PCDHGA7: variants seen among roughly 807,000 people sequenced by gnomAD.
PCDHGA7 encodes the protein protocadherin gamma-A7.
Under a neutral mutation model 58.3 loss-of-function variants are expected in PCDHGA7, and 44 were observed. That is an observed-to-expected ratio of 0.75 (90% confidence interval 0.59 to 0.97). PCDHGA7 has a LOEUF of 0.97. PCDHGA7 is among the 50% of genes least tolerant of loss of function. PCDHGA7 has a pLI of 0.00. For missense variants in PCDHGA7, 1,266 were observed against 1,188.7 expected, an observed-to-expected ratio of 1.06 and a Z score of -0.96; for synonymous variants, 516 against 504.2, an observed-to-expected ratio of 1.02 and a Z score of -0.31.
At chr5:141,497,807 T>G (rs2099779585) in intron 2 of PCDHGA7, among the ~76,000 whole-genome samples, 1 of 152,210 alleles carries the variant, frequency 6.6e-6, no homozygotes, top group African/African-American at 2.4e-5. Context: ...CCCAAAGTGC[T>G]AGAATTACAG....
intron 1 of PCDHGA7, among the ~76,000 whole-genome samples, chr5:141,449,549 A>G (rs1431239786): frequency 6.8e-6 from 1 of 147,830 alleles, no homozygotes; most frequent in East Asian, 2.0e-4. Context: ...AGATCGCACC[A>G]CTGCACTCCA....
intron 1 of PCDHGA7, chr5:141,396,121 G>T: frequency 6.6e-6 from 1 of 152,188 alleles, no homozygotes. Context: ...AATGTTTCAG[G>T]TACACAAGTT....
At chr5:141,390,249 C>A (rs749702926) in intron 1 of PCDHGA7, 1 of 1,614,046 alleles carries the variant, frequency 6.2e-7, no homozygotes, top group South Asian at 1.1e-5. Context: ...CTTATTTCCA[C>A]TTTGTAATTC....
chr5:141,458,549 T>A (rs2098948402), intron 1 of PCDHGA7, among the ~76,000 whole-genome samples: 1 of 148,072 alleles, frequency 6.8e-6, no homozygotes, highest in African/African-American at 2.6e-5. Flanking sequence ...ATTTTGTTTG[T>A]TTGTTTTGGT....
chr5:141,461,334 G>T (rs558562450), intron 1 of PCDHGA7, among the ~76,000 whole-genome samples: 75 of 152,166 alleles, frequency 4.9e-4, no homozygotes, highest in African/African-American at 1.7e-3. Flanking sequence ...GGCCATTCTT[G>T]CAGGACCAAG....
rs902790467 is a variant in PCDHGA7 at position 141,395,519 on chromosome 5, C to A, written c.2424+10196C>A. 1.5e-5 allele frequency: 6 copies of A among 409,366 alleles called. 1 individual carries two copies. The highest frequency in any genetic ancestry group is 1.3e-4 in the African/African-American group (6 of 47,696). The allele number at this position is 409,366 out of a possible 1,614,324, so 25.4% of individuals were successfully genotyped here. On this transcript the variant is annotated intron_variant, in intron 1 of 3. Transcript: ENST00000518325. ...TTCACTTAAGAAGTAGCTACCCGTC[C>A]ATACTGGTAATTTTGCTATTGTTTG...
At chr5:141,402,765 C>T (rs2150942715) in intron 1 of PCDHGA7, among the ~76,000 whole-genome samples, 1 of 152,322 alleles carries the variant, frequency 6.6e-6, no homozygotes, top group Admixed American at 6.5e-5. Flanking sequence ...ATCAGGACTC[C>T]ATCCGGATTT....
At chr5:141,454,796 ATTTTTTT>A (rs61612330) in intron 1 of PCDHGA7, among the ~76,000 whole-genome samples, 2,943 of 77,244 alleles carry the variant, frequency 0.038, 52 homozygotes, top group African/African-American at 0.09. Context: ...CATGGTTCTA[ATTTTTTT>A]TTTTTTTTTT....
intron 1 of PCDHGA7, chr5:141,408,334 C>T (rs2095086638): frequency 1.2e-6 from 2 of 1,613,910 alleles, no homozygotes; most frequent in East Asian, 2.2e-5. Context: ...TGGCCAAGGG[C>T]TCGGTGGTGG....
chr5:141,385,507 AG>A, intron 1 of PCDHGA7, 184 bp downstream of exon 1: 1 of 1,376,812 alleles, frequency 7.3e-7, no homozygotes, highest in Non-Finnish European at 9.4e-7. Flanking sequence ...GTATTTCTTT[AG>A]TGAAAGCCTA....
chr5:141,399,755 G>C (rs1420211451), intron 1 of PCDHGA7: 1 of 1,613,232 alleles, frequency 6.2e-7, no homozygotes, highest in Non-Finnish European at 8.5e-7. Context: ...GCAAACGTGA[G>C]CCTGCGCGTG....
chr5:141,478,387 C>T, intron 1 of PCDHGA7: 1 of 1,613,642 alleles, frequency 6.2e-7, no homozygotes, highest in Non-Finnish European at 8.5e-7. Context: ...CGCACCTTTA[C>T]CATCAGGTGT....
At chr5:141,410,600 C>T in intron 1 of PCDHGA7, 1 of 1,608,048 alleles carries the variant, frequency 6.2e-7, no homozygotes, top group Non-Finnish European at 8.5e-7. Flanking sequence ...TTTGACTTCA[C>T]ATCCTGAGAC....
intron 1 of PCDHGA7, chr5:141,418,445 T>C (rs2154547687): frequency 2.5e-6 from 4 of 1,614,038 alleles, no homozygotes; most frequent in East Asian, 2.2e-5. Context: ...AGAATTAGTA[T>C]TGCAGAAGAC....
chr5:141,385,302 A>G lies in PCDHGA7; in HGVS notation c.2403A>G (p.Lys801=). Residue 801 remains lysine (K), a synonymous_variant, in exon 1 of 4, where the codon AAA becomes AAG. Transcript: ENST00000518325. ...LLTSVDFQEC[K]ENLPSIQQAP... ...CATCCGTAGATTTTCAGGAATGTAA[A>G]GAAAACCTGCCAAGTATTCAGGTGA... 1 of 1,613,202 alleles carries G rather than the reference A, an allele frequency of 6.2e-7. No individual in the cohort carries two copies. Among genetic ancestry groups the G allele is most frequent in the Admixed American group, 1.7e-5 (1 of 59,994 alleles).
intron 1 of PCDHGA7, chr5:141,478,582 G>T: frequency 1.3e-6 from 2 of 1,579,988 alleles, no homozygotes; most frequent in Non-Finnish European, 1.7e-6. Context: ...CCCTGTTAGT[G>T]CTTTTTTATT....
intron 1 of PCDHGA7, among the ~76,000 whole-genome samples, chr5:141,429,759 C>T (rs1233949322): frequency 6.6e-6 from 1 of 151,946 alleles, no homozygotes; most frequent in East Asian, 1.9e-4. Flanking sequence ...GAATTTTTTC[C>T]CTATATTTTG....
At chr5:141,508,739 C>A (rs1344024245) in intron 3 of PCDHGA7, among the ~76,000 whole-genome samples, 1 of 152,156 alleles carries the variant, frequency 6.6e-6, no homozygotes, top group African/African-American at 2.4e-5. Context: ...ACACCCCCCA[C>A]CCCGCTCTTT....
At chr5:141,472,000 C>T (rs935165645) in intron 1 of PCDHGA7, among the ~76,000 whole-genome samples, 3 of 151,852 alleles carry the variant, frequency 2.0e-5, no homozygotes, top group African/African-American at 4.8e-5. Flanking sequence ...ATCCCTGCAT[C>T]GTATAGGGGC....
Sources: allele counts gnomAD v4.1 joint callset (sites outside exome capture counted in the v4.1 genomes callset), GRCh38; gene constraint gnomAD v4.1.1; transcripts MANE v1.5; gene names NCBI Gene and HGNC (gene_info 2026-07-23, HGNC 2026-07-21).